RBFOX1: variants seen among roughly 807,000 people sequenced by gnomAD.
RBFOX1 encodes RNA binding fox-1 homolog 1.
A neutral mutation model predicts 57.7 loss-of-function variants in RBFOX1; 8 were observed. The ratio of observed to expected loss-of-function variants is 0.14; its 90% CI spans 0.08 to 0.25. The LOEUF is 0.25. RBFOX1 is among the 10% of genes least tolerant of loss of function. The pLI, the probability that RBFOX1 is intolerant of heterozygous loss-of-function variation, is 1.00. For synonymous variants in RBFOX1, 326 were observed against 222.4 expected, an observed-to-expected ratio of 1.47 and a Z score of -4.15; for missense variants, 611 against 548.5, an observed-to-expected ratio of 1.11 and a Z score of -1.14.
At chr16:6,725,782 A>G (rs1364609511) in intron 3 of RBFOX1, among the ~76,000 whole-genome samples, 2 of 152,034 alleles carry the variant, frequency 1.3e-5, no homozygotes, top group African/African-American at 4.8e-5. Flanking sequence ...AAATTCTATC[A>G]TTTTAAGCCA....
chr16:6,028,143 T>C (rs1266507974), intron 1 of RBFOX1, among the ~76,000 whole-genome samples: 1 of 152,200 alleles, frequency 6.6e-6, no homozygotes, highest in African/African-American at 2.4e-5. Context: ...CTCCTGAAGA[T>C]GTCCATGGCA....
At chr16:6,371,500 A>C (rs373627475) in intron 2 of RBFOX1, among the ~76,000 whole-genome samples, 1 of 152,186 alleles carries the variant, frequency 6.6e-6, no homozygotes, top group African/African-American at 2.4e-5. Flanking sequence ...AGCCCCTTCA[A>C]GCTGGCTCCT....
chr16:6,145,856 T>C (rs1025305293), intron 1 of RBFOX1, among the ~76,000 whole-genome samples: 3 of 152,152 alleles, frequency 2.0e-5, no homozygotes, highest in African/African-American at 7.2e-5. Context: ...TTGCTTTTCT[T>C]GTATGTGGCC....
intron 1 of RBFOX1, among the ~76,000 whole-genome samples, chr16:5,405,385 T>C (rs2066837246): frequency 6.6e-6 from 1 of 152,214 alleles, no homozygotes; most frequent in Non-Finnish European, 1.5e-5. Context: ...GATGATTTTA[T>C]AAAAAGGAGT....
At chr16:7,339,850 C>A (rs1214939235) in intron 4 of RBFOX1, among the ~76,000 whole-genome samples, 4 of 152,192 alleles carry the variant, frequency 2.6e-5, no homozygotes, top group Non-Finnish European at 4.4e-5. Context: ...CTATTGAATT[C>A]AGGAATTTTG....
intron 3 of RBFOX1, among the ~76,000 whole-genome samples, chr16:6,965,568 C>G (rs547628535): frequency 3.3e-5 from 5 of 152,266 alleles, no homozygotes; most frequent in South Asian, 4.1e-4. Context: ...AACTCCGGAC[C>G]TCAAGTGATC....
chr16:5,934,236 C>T (rs1425707969), intron 4 of RBFOX1, among the ~76,000 whole-genome samples: 3 of 152,234 alleles, frequency 2.0e-5, no homozygotes, highest in Admixed American at 1.3e-4. Context: ...TTGGTGCAAA[C>T]ACAGCTTTAA....
intron 1 of RBFOX1, among the ~76,000 whole-genome samples, chr16:5,372,316 C>G (rs1430339251): frequency 6.6e-6 from 1 of 152,132 alleles, no homozygotes; most frequent in Non-Finnish European, 1.5e-5. Context: ...CAGTGAAACC[C>G]TCTTCAATAC....
intron 1 of RBFOX1, among the ~76,000 whole-genome samples, chr16:6,091,199 A>G (rs2096167648): frequency 6.6e-6 from 1 of 152,070 alleles, no homozygotes; most frequent in African/African-American, 2.4e-5. Context: ...ATTTGTCTTC[A>G]TTTCCCACTC....
intron 4 of RBFOX1, among the ~76,000 whole-genome samples, chr16:7,204,028 T>G (rs1161457657): frequency 2.6e-5 from 4 of 152,244 alleles, no homozygotes; most frequent in Non-Finnish European, 1.5e-5. Flanking sequence ...TTAACTAACA[T>G]TTCGATCTGC....
intron 5 of RBFOX1, among the ~76,000 whole-genome samples, chr16:7,542,651 T>C (rs2083259458): frequency 6.9e-6 from 1 of 145,960 alleles, no homozygotes; most frequent in African/African-American, 2.6e-5. Flanking sequence ...AGCCAGGAGT[T>C]TGAGACTAGC....
chr16:7,664,303 T>A (rs1227185144), intron 12 of RBFOX1, among the ~76,000 whole-genome samples: 1 of 152,204 alleles, frequency 6.6e-6, no homozygotes, highest in East Asian at 1.9e-4. Context: ...AAACACATTC[T>A]TGCACATGTA....
chr16:6,447,631 G>T (rs578062369), intron 2 of RBFOX1, among the ~76,000 whole-genome samples: 1 of 152,082 alleles, frequency 6.6e-6, no homozygotes, highest in South Asian at 2.1e-4. Context: ...CTACGTGCGC[G>T]GACAAATCAC....
chr16:5,698,127 C>A (rs1311093011), intron 3 of RBFOX1, among the ~76,000 whole-genome samples: 1 of 152,026 alleles, frequency 6.6e-6, no homozygotes, highest in South Asian at 2.1e-4. Flanking sequence ...TCTGATGAAT[C>A]CCATTGGAAA....
At chr16:6,351,118 A>T (rs2086277422) in intron 2 of RBFOX1, among the ~76,000 whole-genome samples, 1 of 152,124 alleles carries the variant, frequency 6.6e-6, no homozygotes, top group Non-Finnish European at 1.5e-5. Context: ...CATAAAAGAC[A>T]TAATGGAGTC....
chr16:6,049,600 C>T (rs1277005076), intron 1 of RBFOX1, among the ~76,000 whole-genome samples: 1 of 152,164 alleles, frequency 6.6e-6, no homozygotes, highest in Admixed American at 6.5e-5. Context: ...TATCTACTAA[C>T]AATTAACAGT....
chr16:6,751,817 A>G (rs1310786670), intron 3 of RBFOX1, among the ~76,000 whole-genome samples: 2 of 152,156 alleles, frequency 1.3e-5, no homozygotes, highest in Non-Finnish European at 2.9e-5. Flanking sequence ...TATTATTTTC[A>G]TAACAAAGCT....
chr16:6,897,009 C>G (rs780713754), intron 3 of RBFOX1, among the ~76,000 whole-genome samples: 11 of 152,196 alleles, frequency 7.2e-5, no homozygotes, highest in Non-Finnish European at 1.3e-4. Flanking sequence ...GCAGGGGACG[C>G]ACCTGTGCAG....
At chr16:6,601,018 G>C (rs764645952) in intron 2 of RBFOX1, among the ~76,000 whole-genome samples, 1 of 152,134 alleles carries the variant, frequency 6.6e-6, no homozygotes, top group Non-Finnish European at 1.5e-5. Flanking sequence ...AAAGGACATA[G>C]AAGGTAGAGG....
Sources: allele counts gnomAD v4.1 joint callset (sites outside exome capture counted in the v4.1 genomes callset), GRCh38; gene constraint gnomAD v4.1.1; transcripts MANE v1.5; gene names NCBI Gene and HGNC (gene_info 2026-07-23, HGNC 2026-07-21).